Variants in ITGBL1 observed in about 807,000 individuals in gnomAD.
ITGBL1 encodes the protein integrin subunit beta like 1.
In ITGBL1, 51 loss-of-function variants were observed where a neutral mutation model predicts 68.5. The ratio of observed to expected loss-of-function variants is 0.74; its 90% CI spans 0.59 to 0.94. The LOEUF (loss-of-function observed/expected upper bound fraction) is 0.94. Among genes scored for constraint, ITGBL1 ranks in the 40% least tolerant of loss-of-function variants. The pLI is 0.00. For synonymous variants in ITGBL1, 209 were observed against 227.3 expected (o/e 0.92, Z 0.72); for missense variants, 649 against 647.4 (o/e 1.00, Z -0.03).
At chr13:101,622,451 G>T (rs937809617) in intron 7 of ITGBL1, among the ~76,000 whole-genome samples, 1 of 152,070 alleles carries the variant, frequency 6.6e-6, no homozygotes, top group African/African-American at 2.4e-5. Flanking sequence ...TGAAAAAAAT[G>T]CAACCTCACA....
chr13:101,524,360 T>G (rs2049336561), intron 2 of ITGBL1, among the ~76,000 whole-genome samples: 2 of 147,840 alleles, frequency 1.4e-5, no homozygotes, highest in Admixed American at 6.9e-5. Flanking sequence ...TGGTGAGAGA[T>G]AGATTGTAAA....
intron 2 of ITGBL1, among the ~76,000 whole-genome samples, chr13:101,539,939 T>A (rs775053042): frequency 1.3e-5 from 2 of 152,132 alleles, no homozygotes; most frequent in African/African-American, 2.4e-5. Context: ...TTCTTTGTAG[T>A]TTCTGGATAT....
At chr13:101,557,162 AT>A in intron 2 of ITGBL1, among the ~76,000 whole-genome samples, 1 of 152,172 alleles carries the variant, frequency 6.6e-6, no homozygotes. Flanking sequence ...GGAACTTAGG[AT>A]GAAGAACGCA....
chr13:101,604,933 CGCATGTATATATGTGT>C (rs2030639449), intron 7 of ITGBL1, among the ~76,000 whole-genome samples: 1 of 88,876 alleles, frequency 1.1e-5, no homozygotes, highest in Non-Finnish European at 2.3e-5. Context: ...TGTATATATA[CGCATGTATATATGTGT>C]ACATGTGTAT....
chr13:101,645,282 A>G (rs766614393), intron 7 of ITGBL1, among the ~76,000 whole-genome samples: 2 of 152,174 alleles, frequency 1.3e-5, no homozygotes, highest in Non-Finnish European at 2.9e-5. Context: ...AAGAAAGTAA[A>G]ATGCCAAGGG....
Position 101,692,648 on chromosome 13 carries a change from C to T in ITGBL1, c.1079C>T (p.Thr360Ile). The change falls in exon 8 of 11, where the codon ACT becomes ATT. Residue 360 changes from threonine to isoleucine, a missense_variant. Transcript: ENST00000376180. ...PPGDRRVYGKTCECDDRRCED... is the reference protein window; with the variant it reads ...PPGDRRVYGKICECDDRRCED... ...GGAGATCGCCGGGTGTATGGCAAGA[C>T]TTGTGAGTGTGATGATCGCCGCTGT... is the stretch of plus-strand genomic sequence containing the variant. 6.2e-7 allele frequency: 1 copy of T among 1,613,890 alleles called. No individual in the cohort carries two copies. Among genetic ancestry groups the T allele is most frequent in the Non-Finnish European group, 8.5e-7 (1 of 1,179,836 alleles).
intron 7 of ITGBL1, among the ~76,000 whole-genome samples, chr13:101,607,626 A>G (rs2030932702): frequency 6.6e-6 from 1 of 152,064 alleles, no homozygotes; most frequent in African/African-American, 2.4e-5. Context: ...AAAAAAAATA[A>G]GTTAAATATT....
chr13:101,611,193 T>C (rs2031109282), intron 7 of ITGBL1, among the ~76,000 whole-genome samples: 1 of 152,166 alleles, frequency 6.6e-6, no homozygotes, highest in Non-Finnish European at 1.5e-5. Context: ...ATAATTGTCT[T>C]ATGAGGTTAA....
At chr13:101,673,329 C>G (rs1208655979) in intron 7 of ITGBL1, among the ~76,000 whole-genome samples, 1 of 152,216 alleles carries the variant, frequency 6.6e-6, no homozygotes, top group African/African-American at 2.4e-5. Context: ...AAGCCCTTAG[C>G]CTGCCCAATG....
At chr13:101,465,040 A>G (rs184835150) in intron 2 of ITGBL1, among the ~76,000 whole-genome samples, 66 of 152,198 alleles carry the variant, frequency 4.3e-4, no homozygotes, top group Admixed American at 3.9e-3. Flanking sequence ...CATTTGGGTG[A>G]TTCATAATTG....
At position 101,577,695 on chromosome 13, in the gene ITGBL1, G is replaced by A. The variant is rs183014806; in HGVS notation, c.587-1592G>A. Among the ~76,000 whole-genome samples the A allele has an allele frequency of 4.1e-4, 63 of 152,140 alleles. No homozygotes were observed. The East Asian group carries it at 0.01, about 24-fold the overall frequency. ...CGTAGTCTAAAAAGGTGATTGGGTC[G>A]TACAAACCTGACTCCTAAGAAAAGC... is the stretch of plus-strand genomic sequence containing the variant. On this transcript the variant is annotated intron_variant, in intron 4 of 10. Coordinates refer to ENST00000376180, the MANE Select transcript of ITGBL1 (RefSeq NM_004791.3).
chr13:101,488,905 A>G (rs531925982), intron 2 of ITGBL1, among the ~76,000 whole-genome samples: 2 of 152,264 alleles, frequency 1.3e-5, no homozygotes, highest in Admixed American at 6.5e-5. Flanking sequence ...TGGTGTTTTC[A>G]GGAAGCCATT....
intron 8 of ITGBL1, among the ~76,000 whole-genome samples, chr13:101,695,239 T>C (rs931221350): frequency 2.6e-5 from 4 of 152,166 alleles, no homozygotes; most frequent in Non-Finnish European, 5.9e-5. Flanking sequence ...CAATACTTGG[T>C]AGTAATAGGA....
intron 7 of ITGBL1, among the ~76,000 whole-genome samples, chr13:101,682,243 A>G (rs1173830413): frequency 6.6e-6 from 1 of 152,176 alleles, no homozygotes; most frequent in Non-Finnish European, 1.5e-5. Context: ...AATGCAAATG[A>G]GGCAATCTGT....
intron 3 of ITGBL1, among the ~76,000 whole-genome samples, chr13:101,572,650 G>A (rs1267559730): frequency 6.6e-6 from 1 of 152,046 alleles, no homozygotes; most frequent in African/African-American, 2.4e-5. Flanking sequence ...CCATGTCTTG[G>A]AGGCTCCGTT....
intron 2 of ITGBL1, among the ~76,000 whole-genome samples, chr13:101,566,362 C>G (rs2050183413): frequency 6.6e-6 from 1 of 151,978 alleles, no homozygotes. Flanking sequence ...AAAAATGATA[C>G]CAAGTTGGGC....
At chr13:101,715,482 G>T (rs918454105) in intron 10 of ITGBL1, 81 bp from the exon 11 acceptor site, 9 of 927,676 alleles carry the variant, frequency 9.7e-6, no homozygotes, top group East Asian at 4.8e-5. Flanking sequence ...TTTCATTGTG[G>T]ACACTTGTGA....
intron 2 of ITGBL1, among the ~76,000 whole-genome samples, chr13:101,551,938 G>A (rs2049927979): frequency 6.6e-6 from 1 of 152,158 alleles, no homozygotes; most frequent in Non-Finnish European, 1.5e-5. Context: ...GTCAAGAGCA[G>A]GGAGGGCAGC....
At chr13:101,697,318 T>C (rs956339069) in intron 8 of ITGBL1, among the ~76,000 whole-genome samples, 2 of 152,200 alleles carry the variant, frequency 1.3e-5, no homozygotes, top group African/African-American at 2.4e-5. Flanking sequence ...CTGATGACAC[T>C]ATGTTGTATT....
Sources: allele counts gnomAD v4.1 joint callset (sites outside exome capture counted in the v4.1 genomes callset), GRCh38; gene constraint gnomAD v4.1.1; transcripts MANE v1.5; gene names NCBI Gene and HGNC (gene_info 2026-07-23, HGNC 2026-07-21).